Variants in GTPBP10 observed in about 807,000 individuals in gnomAD.
The protein encoded by GTPBP10 is GTP binding protein 10, also known as GTP-binding protein 10.
GTPBP10 carries 38 observed loss-of-function variants against 44.8 expected under a neutral mutation model. The observed-to-expected ratio is 0.85, with a 90% CI of 0.65 to 1.11. The LOEUF (loss-of-function observed/expected upper bound fraction) is 1.11, where lower values mean the gene tolerates loss of function less well. Ranked by LOEUF, GTPBP10 falls within the 50% of genes most tolerant of loss-of-function variation. GTPBP10 has a pLI of 0.00. For missense variants in GTPBP10, 462 were observed against 453.7 expected, an observed-to-expected ratio of 1.02 and a Z score of -0.17; for synonymous variants, 152 against 150.6, an observed-to-expected ratio of 1.01 and a Z score of -0.07.
chr7:90,377,104 G>A (rs1056119211), intron 6 of GTPBP10, among the ~76,000 whole-genome samples: 2 of 152,120 alleles, frequency 1.3e-5, no homozygotes, highest in Non-Finnish European at 2.9e-5. Context: ...CGCACCTGGA[G>A]TCTTAGCTAC....
At chr7:90,366,999 T>C (rs957775411) in intron 4 of GTPBP10, among the ~76,000 whole-genome samples, 30 of 152,334 alleles carry the variant, frequency 2.0e-4, no homozygotes, top group African/African-American at 6.7e-4. Flanking sequence ...TGTGTTCTCA[T>C]TGGTTTCAAA....
intron 9 of GTPBP10, among the ~76,000 whole-genome samples, chr7:90,384,603 A>T (rs17863998): frequency 2.7e-5 from 4 of 149,792 alleles, no homozygotes; most frequent in African/African-American, 1.0e-4. Flanking sequence ...AACCCCCCCC[A>T]CACACACAAA....
chr7:90,354,636 G>T, intron 3 of GTPBP10, 87 bp downstream of exon 3: 1 of 687,802 alleles, frequency 1.5e-6, no homozygotes, highest in Non-Finnish European at 2.4e-6. Context: ...AGTTTCAGAA[G>T]ATTTTTTAAC....
intron 5 of GTPBP10, among the ~76,000 whole-genome samples, chr7:90,373,743 C>T (rs1173518930): frequency 6.6e-6 from 1 of 152,174 alleles, no homozygotes; most frequent in Non-Finnish European, 1.5e-5. Context: ...GAACATCTAT[C>T]ACTCACCTTA....
rs537125640 is a variant in GTPBP10 at position 90,361,341 on chromosome 7, A to T, written c.464+6111A>T. ...CTGAATTTATTGAGTTTTTAGCATGAAGAGCTGTTGAATTTTGTCAAAGGC... is the reference window on the plus strand; with the variant it reads ...CTGAATTTATTGAGTTTTTAGCATGTAGAGCTGTTGAATTTTGTCAAAGGC... On this transcript the variant is annotated intron_variant, in intron 4 of 9. Transcript: ENST00000222511. 2.0e-5 allele frequency among the ~76,000 whole-genome samples: 3 copies of T among 152,322 alleles called. No homozygotes were observed. The East Asian group carries it at 5.8e-4, about 29-fold the overall frequency.
intron 6 of GTPBP10, among the ~76,000 whole-genome samples, chr7:90,376,929 A>C (rs1211771920): frequency 2.0e-5 from 3 of 152,188 alleles, no homozygotes; most frequent in Admixed American, 6.5e-5. Context: ...ATTATAAATA[A>C]ATTTTAAACT....
In GTPBP10 at chr7:90,372,211, C is replaced by A. The variant is rs1319203718; in HGVS notation, c.521C>A (p.Ala174Glu). The A allele has an allele frequency of 6.2e-7, 1 of 1,602,208 alleles. No homozygotes were observed. The highest frequency in any genetic ancestry group is 1.7e-5 in the Admixed American group (1 of 59,170). The change falls in exon 5 of 10, where the codon GCA becomes GAA. Residue 174 changes from alanine to glutamate, a missense_variant. Physicochemically the swap from Ala to Glu is moderately radical, Grantham distance 107. Coordinates refer to ENST00000222511, the MANE Select transcript of GTPBP10 (RefSeq NM_033107.4). ...LLSCVSHAKP[A>E]IADYAFTTLK... ...AGTTGTGTTTCTCATGCAAAACCTG[C>A]AATTGCAGATTACGCATGTAAGTGT...
At chr7:90,368,602 G>A (rs374509247) in intron 4 of GTPBP10, among the ~76,000 whole-genome samples, 66 of 152,118 alleles carry the variant, frequency 4.3e-4, no homozygotes, top group African/African-American at 1.4e-3. Flanking sequence ...AAGCTTGTGC[G>A]TGCGTCACGA....
intron 4 of GTPBP10, among the ~76,000 whole-genome samples, chr7:90,362,296 T>G (rs1425754587): frequency 3.3e-5 from 5 of 152,228 alleles, no homozygotes; most frequent in Non-Finnish European, 7.3e-5. Context: ...CTCTACACAC[T>G]GCTTGAAATG....
chr7:90,372,276 A>G (rs1796271666), intron 5 of GTPBP10, 48 bp downstream of exon 5: 14 of 1,181,762 alleles, frequency 1.2e-5, no homozygotes, highest in Non-Finnish European at 1.7e-5. Flanking sequence ...GTAAACTTTT[A>G]AAGACTAATA....
intron 4 of GTPBP10, among the ~76,000 whole-genome samples, chr7:90,360,572 A>C (rs1238245847): frequency 1.3e-5 from 2 of 152,146 alleles, no homozygotes; most frequent in African/African-American, 4.8e-5. Context: ...GTCAGGTAGC[A>C]TGATGTCTCC....
At chr7:90,363,749 C>A (rs1314414665) in intron 4 of GTPBP10, among the ~76,000 whole-genome samples, 2 of 152,198 alleles carry the variant, frequency 1.3e-5, no homozygotes, top group Non-Finnish European at 2.9e-5. Flanking sequence ...TGGTTCCATT[C>A]TCCCCATCAC....
chr7:90,352,872 G>C lies in GTPBP10; in HGVS notation c.90G>C (p.Met30Ile), dbSNP rs772570333. 1 of 1,613,764 alleles carries C rather than the reference G, an allele frequency of 6.2e-7. No individual in the cohort carries two copies. Among genetic ancestry groups the C allele is most frequent in the Non-Finnish European group, 8.5e-7 (1 of 1,179,878 alleles). ...TCACCAGGGGAGGATCCGGTGGAAT[G>C]GGTTATCCTCGTTTAGGTGGAGAAG... The part of the protein sequence containing the change: ...RLFTRGGSGG[M>I]GYPRLGGEGG... Residue 30 changes from methionine (M) to isoleucine (I), a missense_variant, in exon 2 of 10, where the codon ATG becomes ATC. Met to Ile is a conservative substitution (Grantham distance 10). Coordinates refer to ENST00000222511, the MANE Select transcript of GTPBP10 (RefSeq NM_033107.4).
At chr7:90,378,282 A>C (rs1796379036) in intron 8 of GTPBP10, 71 bp downstream of exon 8, 2 of 1,500,550 alleles carry the variant, frequency 1.3e-6, no homozygotes, top group Non-Finnish European at 1.8e-6. Flanking sequence ...ATGAAATAAC[A>C]TAATTACAGT....
Position 90,385,872 on chromosome 7 carries a change from A to C in GTPBP10, c.*718A>C, listed in dbSNP as rs1448546470. The C allele has an allele frequency of 2.0e-5, 3 of 152,186 alleles. No homozygotes were observed. Among genetic ancestry groups the C allele is most frequent in the African/African-American group, 7.2e-5 (3 of 41,438 alleles). 9.4% of individuals were successfully genotyped at this position (152,186 alleles called of 1,614,324 possible). On this transcript the variant is annotated 3_prime_UTR_variant, in exon 10 of 10. Transcript: ENST00000222511. ...GGAGTTCAAGACCAGCCTGGCCAAC[A>C]TGGCGAAACCCCGTCTCTACTAAAA...
chr7:90,366,564 T>C (rs1796137896), intron 4 of GTPBP10, among the ~76,000 whole-genome samples: 1 of 152,198 alleles, frequency 6.6e-6, no homozygotes, highest in Admixed American at 6.5e-5. Context: ...TTTATTTGCA[T>C]AGAATTGTTT....
intron 8 of GTPBP10, 116 bp downstream of exon 8, chr7:90,378,327 G>A: frequency 7.9e-7 from 1 of 1,264,570 alleles, no homozygotes; most frequent in Non-Finnish European, 1.0e-6. Flanking sequence ...TTTGATGTCA[G>A]TTAAAGAATT....
At chr7:90,373,019 A>G (rs901112200) in intron 5 of GTPBP10, among the ~76,000 whole-genome samples, 3 of 152,170 alleles carry the variant, frequency 2.0e-5, no homozygotes, top group Non-Finnish European at 2.9e-5. Flanking sequence ...GGACTGGGAT[A>G]TGAGGAATAA....
At chr7:90,358,212 A>G (rs1795943401) in intron 4 of GTPBP10, among the ~76,000 whole-genome samples, 1 of 152,202 alleles carries the variant, frequency 6.6e-6, no homozygotes, top group Non-Finnish European at 1.5e-5. Flanking sequence ...ATACCAAAGA[A>G]TATACGTAAC....
Sources: allele counts gnomAD v4.1 joint callset (sites outside exome capture counted in the v4.1 genomes callset), GRCh38; gene constraint gnomAD v4.1.1; transcripts MANE v1.5; gene names NCBI Gene and HGNC (gene_info 2026-07-23, HGNC 2026-07-21).